Variants in HFM1 observed in about 807,000 individuals in gnomAD.
The protein encoded by HFM1 is probable ATP-dependent DNA helicase HFM1.
A neutral mutation model predicts 192.1 loss-of-function variants in HFM1; 169 were observed. That is an observed-to-expected ratio of 0.88 (90% CI 0.78 to 1.00). The LOEUF (loss-of-function observed/expected upper bound fraction) is 1.00. HFM1 is among the 50% of genes least tolerant of loss of function. HFM1 has a pLI of 0.00. For synonymous variants in HFM1, 525 were observed against 537.8 expected (o/e 0.98, Z 0.33); for missense variants, 1,661 against 1,668.0 (o/e 1.00, Z 0.07).
rs1663339282 is a variant in HFM1, at chr1:91,394,106, C to T, written c.481G>A (p.Val161Ile). The T allele has an allele frequency of 6.5e-7, 1 of 1,539,736 alleles. No individual in the cohort carries two copies. Among genetic ancestry groups the T allele is most frequent in the Non-Finnish European group, 8.8e-7 (1 of 1,130,414 alleles). ...TATAATAATTACCTTTTCCGGAATA[C>T]TGATGTGCTCTCTCCTTTATCTTCT... ...FAEDKGESTS[V>I]FRKRLFKISD... Residue 161 changes from valine (V) to isoleucine (I), a missense_variant, in exon 4 of 39, where the codon GTA becomes ATA. Coordinates refer to ENST00000370425, the MANE Select transcript of HFM1 (RefSeq NM_001017975.6).
chr1:91,336,335 T>C (rs1654575014), intron 20 of HFM1, among the ~76,000 whole-genome samples: 1 of 150,506 alleles, frequency 6.6e-6, no homozygotes, highest in Non-Finnish European at 1.5e-5. Flanking sequence ...CTCTCATACT[T>C]TCTCCCTCTC....
chr1:91,329,166 G>A lies in HFM1; in HGVS notation c.2336-4400C>T, dbSNP rs1570970575. ...CATCGAGGAGATCGTGCAGCGACTT[G>A]ACCCCAACAAGTACCCTTTGCCAGA... On this transcript the variant is annotated intron_variant, in intron 20 of 38. Transcript: ENST00000370425. 22 of 1,609,966 alleles carry A rather than the reference G, an allele frequency of 1.4e-5. No homozygotes were observed. The East Asian group carries it at 4.7e-4, about 34-fold the overall frequency.
Position 91,298,591 on chromosome 1 carries a change from G to C in HFM1, c.3391+14758C>G, listed in dbSNP as rs529428855. Among the ~76,000 whole-genome samples the C allele has an allele frequency of 3.3e-5, 5 of 152,254 alleles. No individual in the cohort carries two copies. In the South Asian group the frequency reaches 1.0e-3, roughly 32 times the overall value. ...CCATCAGACTAACAGCTGATCTCTT[G>C]GCAGAAACTCTACAAACCAGAAGAG... On this transcript the variant is annotated intron_variant, in intron 30 of 38. Transcript: ENST00000370425.
chr1:91,388,584 C>T (rs949473973), intron 4 of HFM1, among the ~76,000 whole-genome samples: 1 of 152,130 alleles, frequency 6.6e-6, no homozygotes, highest in African/African-American at 2.4e-5. Flanking sequence ...CTACTTCACA[C>T]AAATATTTAA....
chr1:91,305,256 G>A (rs1649429359), intron 30 of HFM1, among the ~76,000 whole-genome samples: 2 of 152,180 alleles, frequency 1.3e-5, no homozygotes, highest in Non-Finnish European at 2.9e-5. Flanking sequence ...GAATTAATAT[G>A]AGAAGTGCTG....
chr1:91,323,230 G>A, intron 21 of HFM1, 31 bp from the exon 22 acceptor site: 2 of 1,161,592 alleles, frequency 1.7e-6, no homozygotes, highest in Non-Finnish European at 2.5e-6. Context: ...TCCATTTAAT[G>A]AAGTCTATTT....
At chr1:91,294,546 T>C (rs1262357901) in intron 30 of HFM1, among the ~76,000 whole-genome samples, 1 of 152,212 alleles carries the variant, frequency 6.6e-6, no homozygotes, top group Non-Finnish European at 1.5e-5. Context: ...TTTATTGGAA[T>C]ACACCCATGT....
At chr1:91,369,695 G>T (rs1252680665) in intron 13 of HFM1, among the ~76,000 whole-genome samples, 1 of 152,092 alleles carries the variant, frequency 6.6e-6, no homozygotes, top group Non-Finnish European at 1.5e-5. Flanking sequence ...GGAAGCAAGA[G>T]CAAACACATT....
Position 91,289,362 on chromosome 1 carries a change from CT to C in HFM1, c.3392-12301del. 1.3e-5 allele frequency among the ~76,000 whole-genome samples: 2 copies of C among 151,482 alleles called. 1 individual carries two copies. The highest frequency in any genetic ancestry group is 2.9e-5 in the Non-Finnish European group (2 of 67,838). On this transcript the variant is annotated intron_variant, in intron 30 of 38. Transcript: ENST00000370425. ...ACGGGATGACGGCCAGGAAGAGACG[CT>C]CCTCACTTCCCAGACTGGGCGGCCG...
intron 13 of HFM1, among the ~76,000 whole-genome samples, chr1:91,367,229 T>C (rs1370338795): frequency 6.6e-6 from 1 of 152,170 alleles, no homozygotes; most frequent in East Asian, 1.9e-4. Flanking sequence ...CAGACTTAAA[T>C]GTCCCTGTCT....
intron 20 of HFM1, among the ~76,000 whole-genome samples, chr1:91,332,477 C>A (rs1370671949): frequency 6.6e-6 from 1 of 152,240 alleles, no homozygotes; most frequent in African/African-American, 2.4e-5. Flanking sequence ...AGACTTAAAT[C>A]TAACAACTCA....
intron 34 of HFM1, among the ~76,000 whole-genome samples, chr1:91,271,105 C>G (rs1245655541): frequency 6.6e-6 from 1 of 151,944 alleles, no homozygotes; most frequent in African/African-American, 2.4e-5. Flanking sequence ...TCTCTGGGGC[C>G]ACAGGTATAC....
In HFM1 at chr1:91,274,758, G is replaced by A; in HGVS notation, c.3640C>T (p.Pro1214Ser). ...GATATACTAGGAAGGGAAGGTTTTG[G>A]AGTAAAACCAAACTCTTTAAGGTCC... ...SVDLKEFGFT[P>S]KPSLPSISRS... Residue 1214 changes from proline (P) to serine (S), a missense_variant, in exon 33 of 39, where the codon CCA becomes TCA. Transcript: ENST00000370425. 1 of 1,561,756 alleles carries A rather than the reference G, an allele frequency of 6.4e-7. No homozygotes were observed. Among genetic ancestry groups the A allele is most frequent in the Non-Finnish European group, 8.8e-7 (1 of 1,134,776 alleles).
At chr1:91,274,689 C>G (rs571113319) in intron 33 of HFM1, 41 bp downstream of exon 33, 1 of 1,004,132 alleles carries the variant, frequency 1.0e-6, no homozygotes, top group Admixed American at 2.0e-5. Flanking sequence ...ACAGAGTTTA[C>G]GATAAATATT....
chr1:91,405,776 T>C (rs1262721636), upstream of HFM1, among the ~76,000 whole-genome samples: 1 of 152,230 alleles, frequency 6.6e-6, no homozygotes, highest in African/African-American at 2.4e-5. Flanking sequence ...ATTCCAGTAA[T>C]TGGGTGAGCC....
In HFM1 at chr1:91,380,101, T is replaced by TA. The variant is rs1661375841; in HGVS notation, c.1006+2dup. 1 of 1,328,944 alleles carries TA rather than the reference T, an allele frequency of 7.5e-7. No individual in the cohort carries two copies. Among genetic ancestry groups the TA allele is most frequent in the African/African-American group, 1.5e-5 (1 of 66,094 alleles). 82.3% of individuals were successfully genotyped at this position (1,328,944 alleles called of 1,614,324 possible). On this transcript the variant is annotated splice_region_variant and intron_variant, in intron 8 of 38. Transcript: ENST00000370425. ...AGTCATCACTCTTATAATAAATACT[T>TA]ACTGTAAACAATTTTAATATTCAAC...
At chr1:91,387,537 C>T (rs1662373632) in intron 4 of HFM1, among the ~76,000 whole-genome samples, 1 of 152,028 alleles carries the variant, frequency 6.6e-6, no homozygotes, top group Non-Finnish European at 1.5e-5. Context: ...ACCTGCGTTA[C>T]CGTTTGACAG....
chr1:91,261,443 C>T (rs988446733), intron 38 of HFM1, 84 bp from the exon 39 acceptor site: 40 of 560,076 alleles, frequency 7.1e-5, no homozygotes, highest in Middle Eastern at 9.8e-4. Context: ...TAATACTAAA[C>T]ACAATAAAAT....
rs192543224 is a variant in HFM1, at chr1:91,320,229, G to A, written c.2583-839C>T. On this transcript the variant is annotated intron_variant, in intron 23 of 38. Transcript: ENST00000370425. ...AACAGTCAGCTATACAAAGAAAAAC[G>A]GCAGAATAGTTATATTTCATGATTT... Among the ~76,000 whole-genome samples the A allele has an allele frequency of 7.0e-3, 1,064 of 152,216 alleles. 5 individuals are homozygous for A. The highest frequency in any genetic ancestry group is 0.011 in the Non-Finnish European group (782 of 68,010).
Sources: gnomAD v4.1 joint callset for allele counts (sites outside exome capture counted in the v4.1 genomes callset) on GRCh38, gnomAD v4.1.1 for gene constraint, MANE v1.5 for transcripts, NCBI Gene and HGNC (gene_info 2026-07-23, HGNC 2026-07-21) for gene names.